Variants in GNG7 observed in about 807,000 individuals in gnomAD.
GNG7 encodes guanine nucleotide-binding protein G(I)/G(S)/G(O) subunit gamma-7.
In GNG7, 1 loss-of-function variant was observed where a neutral mutation model predicts 4.0. The observed-to-expected ratio is 0.25, with a 90% CI of 0.09 to 1.18. The LOEUF is 1.18. Ranked by LOEUF, GNG7 falls within the 50% of genes most tolerant of loss-of-function variation. GNG7 has a pLI of 0.50. For synonymous variants in GNG7, 34 were observed against 36.9 expected (o/e 0.92, Z 0.29); for missense variants, 86 against 91.9 (o/e 0.94, Z 0.26).
chr19:2,569,036 CACAA>C (rs1055304193), intron 2 of GNG7, among the ~76,000 whole-genome samples: 9 of 146,640 alleles, frequency 6.1e-5, no homozygotes, highest in Non-Finnish European at 5.9e-5. Context: ...TACACAAAAG[CACAA>C]ACATATACAC....
At chr19:2,568,483 GACTT>G (rs1399270810) in intron 2 of GNG7, among the ~76,000 whole-genome samples, 11 of 147,850 alleles carry the variant, frequency 7.4e-5, no homozygotes, top group African/African-American at 2.0e-4. Flanking sequence ...CATACACACA[GACTT>G]ACGCACATAC....
chr19:2,671,725 G>A (rs1010548424), intron 1 of GNG7, among the ~76,000 whole-genome samples: 6 of 152,140 alleles, frequency 3.9e-5, no homozygotes, highest in Non-Finnish European at 7.3e-5. Context: ...ACTACTCTGA[G>A]AAGCTGGGAG....
At chr19:2,619,498 G>A (rs538697974) in intron 2 of GNG7, among the ~76,000 whole-genome samples, 1 of 152,336 alleles carries the variant, frequency 6.6e-6, no homozygotes, top group Admixed American at 6.5e-5. Flanking sequence ...TCAGGGTGAA[G>A]GGCAAGGTCA....
At chr19:2,691,694 C>T (rs541951569) in intron 1 of GNG7, among the ~76,000 whole-genome samples, 9 of 151,976 alleles carry the variant, frequency 5.9e-5, no homozygotes, top group Non-Finnish European at 1.3e-4. Flanking sequence ...TGGTGAAACC[C>T]CGTTTCTACT....
chr19:2,620,844 A>G (rs1173088998), intron 2 of GNG7, among the ~76,000 whole-genome samples: 1 of 152,202 alleles, frequency 6.6e-6, no homozygotes, highest in Non-Finnish European at 1.5e-5. Flanking sequence ...AGCTCTGTGC[A>G]GAGAACAGAC....
chr19:2,604,333 G>A (rs1981307917), intron 2 of GNG7, among the ~76,000 whole-genome samples: 1 of 151,834 alleles, frequency 6.6e-6, no homozygotes, highest in Non-Finnish European at 1.5e-5. Flanking sequence ...TTAGCCGGAT[G>A]TGGTGGCGTG....
chr19:2,698,140 G>A (rs1464964775), intron 1 of GNG7, among the ~76,000 whole-genome samples: 2 of 151,572 alleles, frequency 1.3e-5, no homozygotes, highest in African/African-American at 4.9e-5. Flanking sequence ...GGTGGTGGGT[G>A]CCTGTAGTCC....
At chr19:2,696,107 A>C (rs975825669) in intron 1 of GNG7, among the ~76,000 whole-genome samples, 2 of 151,236 alleles carry the variant, frequency 1.3e-5, no homozygotes, top group African/African-American at 4.9e-5. Context: ...CAGTGAGCCG[A>C]GATTGCACCA....
chr19:2,663,089 T>C (rs538025906), intron 1 of GNG7, among the ~76,000 whole-genome samples: 1 of 152,262 alleles, frequency 6.6e-6, no homozygotes, highest in South Asian at 2.1e-4. Flanking sequence ...TTAAGCTAAG[T>C]GTTGGGGTAA....
chr19:2,534,954 C>T (rs778252620), intron 3 of GNG7, among the ~76,000 whole-genome samples: 11 of 152,330 alleles, frequency 7.2e-5, no homozygotes, highest in Middle Eastern at 6.8e-3. Context: ...ATGCTTTACA[C>T]AGCCTATGGT....
intron 1 of GNG7, among the ~76,000 whole-genome samples, chr19:2,671,045 G>A (rs1212510517): frequency 6.6e-6 from 1 of 151,846 alleles, no homozygotes. Flanking sequence ...GAGCAGACTC[G>A]ATATTTTTCC....
chr19:2,694,627 C>A lies in GNG7; in HGVS notation c.-135+8019G>T, dbSNP rs189783838. 2.5e-3 allele frequency among the ~76,000 whole-genome samples: 382 copies of A among 152,272 alleles called. 4 individuals are homozygous for A. Among genetic ancestry groups the A allele is most frequent in the African/African-American group, 9.0e-3 (375 of 41,536 alleles). ...CAGACAGTGTAAATCAGGGGGACCCCCAGCTTCTGGGGCTCACCTCCTCTC... is the reference window on the plus strand; with the variant it reads ...CAGACAGTGTAAATCAGGGGGACCCACAGCTTCTGGGGCTCACCTCCTCTC... On this transcript the variant is annotated intron_variant, in intron 1 of 4. Transcript: ENST00000382159.
intron 2 of GNG7, among the ~76,000 whole-genome samples, chr19:2,566,921 G>A (rs1465284169): frequency 6.6e-6 from 1 of 152,066 alleles, no homozygotes; most frequent in Non-Finnish European, 1.5e-5. Flanking sequence ...TGACCAACAT[G>A]GTGAAACCCC....
chr19:2,605,457 C>G (rs1278369282), intron 2 of GNG7, among the ~76,000 whole-genome samples: 1 of 151,122 alleles, frequency 6.6e-6, no homozygotes, highest in Non-Finnish European at 1.5e-5. Context: ...CCTCAGCCTC[C>G]CAAAGTGCTG....
chr19:2,512,279 G>A lies in GNG7; in HGVS notation c.*2743C>T, dbSNP rs1972667263. The A allele has an allele frequency of 1.0e-6, 1 of 985,858 alleles. No homozygotes were observed. Among genetic ancestry groups the A allele is most frequent in the Middle Eastern group, 5.2e-4 (1 of 1,914 alleles). 61.1% of individuals were successfully genotyped at this position (985,858 alleles called of 1,614,324 possible). Reference sequence around the variant, plus strand: ...GATTCCCGGCAGAAAAGCACATGTGGCGGTCGGTGTGTGCACTCGGGTGCC... The same window carrying A: ...GATTCCCGGCAGAAAAGCACATGTGACGGTCGGTGTGTGCACTCGGGTGCC... On this transcript the variant is annotated 3_prime_UTR_variant, in exon 5 of 5. Coordinates refer to ENST00000382159, the MANE Select transcript of GNG7 (RefSeq NM_052847.3). This position sits in a 1 kb window ranked among gnomAD's most constrained non-coding sequence, Gnocchi z 4.7.
At chr19:2,689,138 TAATA>T (rs1334005674) in intron 1 of GNG7, among the ~76,000 whole-genome samples, 2 of 135,986 alleles carry the variant, frequency 1.5e-5, no homozygotes, top group African/African-American at 5.5e-5. Context: ...TGCCCCAACA[TAATA>T]AATACATACA....
chr19:2,516,660 G>A (rs1416014092), intron 4 of GNG7, among the ~76,000 whole-genome samples: 1 of 152,236 alleles, frequency 6.6e-6, no homozygotes, highest in Non-Finnish European at 1.5e-5. Context: ...AGGAAGGAAG[G>A]TCCTGATAGG....
At chr19:2,696,292 G>GAGAAAGAAAGAAAGAAAGAA (rs796306243) in intron 1 of GNG7, among the ~76,000 whole-genome samples, 119 of 108,602 alleles carry the variant, frequency 1.1e-3, no homozygotes, top group East Asian at 1.5e-3. Flanking sequence ...AAGAGAGAGA[G>GAGAAAGAAAGAAAGAAAGAA]AGAAAGAAAG....
At chr19:2,537,066 C>T (rs1978764378) in intron 3 of GNG7, among the ~76,000 whole-genome samples, 1 of 151,834 alleles carries the variant, frequency 6.6e-6, no homozygotes, top group African/African-American at 2.4e-5. Flanking sequence ...CCTGCCTCAG[C>T]CTCCCGAGTA....
Sources: gnomAD v4.1 joint callset for allele counts (sites outside exome capture counted in the v4.1 genomes callset) on GRCh38, gnomAD v4.1.1 for gene constraint, Gnocchi (gnomAD v3.1) non-coding constraint, MANE v1.5 for transcripts, NCBI Gene and HGNC (gene_info 2026-07-23, HGNC 2026-07-21) for gene names.